JAKMIP1: variants seen among roughly 807,000 people sequenced by gnomAD.
The protein encoded by JAKMIP1 is janus kinase and microtubule-interacting protein 1.
JAKMIP1 carries 33 observed loss-of-function variants against 113.0 expected under a neutral mutation model. That is an observed-to-expected ratio of 0.29 (90% confidence interval 0.22 to 0.39). The LOEUF (loss-of-function observed/expected upper bound fraction) is 0.39, where lower values mean the gene tolerates loss of function less well. JAKMIP1 is among the 10% of genes least tolerant of loss of function. The pLI, the probability that JAKMIP1 is intolerant of heterozygous loss-of-function variation, is 1.00. For synonymous variants in JAKMIP1, 480 were observed against 459.9 expected (o/e 1.04, Z -0.56); for missense variants, 813 against 1,080.5 (o/e 0.75, Z 3.47).
intron 1 of JAKMIP1, among the ~76,000 whole-genome samples, chr4:6,163,393 G>C (rs73075477): frequency 0.022 from 3,294 of 152,174 alleles, 118 homozygotes; most frequent in African/African-American, 0.07. Flanking sequence ...TTGTAACTAG[G>C]GACATCATGA....
rs1188163411 is a variant in JAKMIP1 at position 6,181,286 on chromosome 4, G to A, written c.-148+18967C>T. Among the ~76,000 whole-genome samples, 2 of 152,174 alleles carry A rather than the reference G, an allele frequency of 1.3e-5. No homozygotes were observed. The highest frequency in any genetic ancestry group is 6.5e-5 in the Admixed American group (1 of 15,288). On this transcript the variant is annotated intron_variant, in intron 1 of 20. Transcript: ENST00000409021. The surrounding 1 kb of genome is among the most constrained non-coding windows in gnomAD (Gnocchi z 5.4). Reference sequence around the variant, plus strand: ...TCAAGAAAGCAGTTCCAGAAAGGGTGGAGGGGAGGGTCATGCTGAGAGAGG... The same window carrying A: ...TCAAGAAAGCAGTTCCAGAAAGGGTAGAGGGGAGGGTCATGCTGAGAGAGG...
intron 1 of JAKMIP1, among the ~76,000 whole-genome samples, chr4:6,146,030 T>C (rs1720806722): frequency 2.0e-5 from 3 of 152,178 alleles, no homozygotes; most frequent in Admixed American, 6.5e-5. Flanking sequence ...CAAGTGTCTC[T>C]CAATAGATGA....
At position 6,080,142 on chromosome 4, in the gene JAKMIP1, G is replaced by T; in HGVS notation, c.1242+30C>A. On this transcript the variant is annotated intron_variant, in intron 7 of 20. Coordinates refer to ENST00000409021, the MANE Select transcript of JAKMIP1 (RefSeq NM_001099433.2). This position sits in a 1 kb window ranked among gnomAD's most constrained non-coding sequence, Gnocchi z 6.0. ...TGTCAGCTGGTGCCACCCCTGCCAG[G>T]GGCAGCCGCGCCAGCTGTGCTAGAT... 1 of 1,557,162 alleles carries T rather than the reference G, an allele frequency of 6.4e-7. No individual in the cohort carries two copies.
At position 6,060,572 on chromosome 4, in the gene JAKMIP1, G is replaced by A. The variant is rs138673882; in HGVS notation, c.1561-65C>T. On this transcript the variant is annotated intron_variant, in intron 10 of 20. Coordinates refer to ENST00000409021, the MANE Select transcript of JAKMIP1 (RefSeq NM_001099433.2). ...AATGGGTGACAGGGAAGCGGAAAGC[G>A]TCATGCCCCAATGCAAGCAATGCCT... is the stretch of plus-strand genomic sequence containing the variant. The A allele has an allele frequency of 1.6e-3, 1,978 of 1,226,764 alleles. 4 individuals carry two copies. The highest frequency in any genetic ancestry group is 4.5e-3 in the Middle Eastern group (24 of 5,330). 76.0% of individuals were successfully genotyped at this position (1,226,764 alleles called of 1,614,324 possible). A position where few individuals can be genotyped will look rare whatever the true frequency, so the allele number is the denominator to read the frequency against.
Position 6,080,034 on chromosome 4 carries a change from G to A in JAKMIP1, c.1242+138C>T. The A allele has an allele frequency of 1.1e-6, 1 of 940,416 alleles. No individual in the cohort carries two copies. Among genetic ancestry groups the A allele is most frequent in the Admixed American group, 3.0e-5 (1 of 33,870 alleles). 58.3% of individuals were successfully genotyped at this position (940,416 alleles called of 1,614,324 possible). A position where few individuals can be genotyped will look rare whatever the true frequency, so the allele number is the denominator to read the frequency against. On this transcript the variant is annotated intron_variant, in intron 7 of 20. Transcript: ENST00000409021. The surrounding 1 kb of genome is among the most constrained non-coding windows in gnomAD (Gnocchi z 6.0). ...GAATGTGCACACCAGGGTGAGCTTG[G>A]TGAGTCCCAAAGTCAGCACTGCCTG...
intron 16 of JAKMIP1, among the ~76,000 whole-genome samples, chr4:6,048,589 G>A (rs926785771): frequency 5.3e-5 from 8 of 152,216 alleles, no homozygotes; most frequent in South Asian, 4.1e-4. Flanking sequence ...AACAATGGAC[G>A]CAGGGAAACC....
intron 3 of JAKMIP1, among the ~76,000 whole-genome samples, chr4:6,099,826 AT>A (rs1712702577): frequency 6.6e-6 from 1 of 152,170 alleles, no homozygotes; most frequent in South Asian, 2.1e-4. Context: ...GTAAAATAAT[AT>A]TTTTTGCTTG....
In JAKMIP1 at chr4:6,062,411, G is replaced by T. The variant is rs1044368722; in HGVS notation, c.1461C>A (p.Arg487=). ...GGTACTCCCGGGTCAGCTGGCAGAA[G>T]CGCAGGTCAGCCTCCTCTCGGGCTG... The part of the protein sequence containing the change: ...DATAREEADL[R]FCQLTREYQA... Residue 487 remains arginine (R), a synonymous_variant, in exon 10 of 21, where the codon CGC becomes CGA. Transcript: ENST00000409021. The T allele has an allele frequency of 5.6e-6, 9 of 1,613,698 alleles. No homozygotes were observed. Among genetic ancestry groups the T allele is most frequent in the Admixed American group, 1.7e-5 (1 of 60,012 alleles).
In JAKMIP1 at chr4:6,163,668, G is replaced by A. The variant is rs74784522; in HGVS notation, c.-148+36585C>T. On this transcript the variant is annotated intron_variant, in intron 1 of 20. Coordinates refer to ENST00000409021, the MANE Select transcript of JAKMIP1 (RefSeq NM_001099433.2). ...GGCAGGTGGAAAGCTGAGATAAGGT[G>A]AAAGCTAGGCCTCTTGCACCAGTTA... Among the ~76,000 whole-genome samples the A allele has an allele frequency of 2.8e-4, 42 of 152,378 alleles. No homozygotes were observed. In the East Asian group the frequency reaches 8.1e-3, roughly 29 times the overall value.
chr4:6,126,393 AACAC>A (rs1190130389), intron 1 of JAKMIP1, among the ~76,000 whole-genome samples: 3 of 135,662 alleles, frequency 2.2e-5, no homozygotes, highest in African/African-American at 3.1e-5. Context: ...ATCATACAGA[AACAC>A]ACACACAAAC....
intron 20 of JAKMIP1, 105 bp downstream of exon 20, chr4:6,029,610 AG>A: frequency 1.4e-6 from 1 of 731,740 alleles, no homozygotes. Flanking sequence ...CAGAGAAAGG[AG>A]GGCTGGAGAC....
intron 1 of JAKMIP1, among the ~76,000 whole-genome samples, chr4:6,159,547 C>T (rs4437322): frequency 0.51 from 77,416 of 152,008 alleles, 22,204 homozygotes; most frequent in East Asian, 0.76. Flanking sequence ...AATGGAGAAA[C>T]AATTCTCAAA....
chr4:6,169,968 CACCACCACCACT>C (rs1308018792), intron 1 of JAKMIP1, among the ~76,000 whole-genome samples: 58 of 122,322 alleles, frequency 4.7e-4, no homozygotes, highest in Middle Eastern at 4.9e-3. Flanking sequence ...TCATCACCAC[CACCACCACCACT>C]ACCACCACCA....
rs1420453207 is a variant in JAKMIP1 at position 6,129,541 on chromosome 4, T to C, written c.-147-16544A>G. ...CATGTCTCCTGAAAGCCAGGTGCCA[T>C]GCTGGTACAGGGACCAGGATACCAA... On this transcript the variant is annotated intron_variant, in intron 1 of 20. Coordinates refer to ENST00000409021, the MANE Select transcript of JAKMIP1 (RefSeq NM_001099433.2). The surrounding 1 kb of genome is among the most constrained non-coding windows in gnomAD (Gnocchi z 5.4). 6.6e-6 allele frequency among the ~76,000 whole-genome samples: 1 copy of C among 152,138 alleles called. No individual in the cohort carries two copies. Among genetic ancestry groups the C allele is most frequent in the Non-Finnish European group, 1.5e-5 (1 of 68,034 alleles).
At chr4:6,103,043 A>G (rs115680642) in intron 3 of JAKMIP1, among the ~76,000 whole-genome samples, 2,419 of 152,228 alleles carry the variant, frequency 0.016, 74 homozygotes, top group African/African-American at 0.051. Context: ...ATCCTGGCCA[A>G]TGCAATGTTG....
At chr4:6,098,223 G>A (rs1250331233) in intron 3 of JAKMIP1, among the ~76,000 whole-genome samples, 2 of 152,198 alleles carry the variant, frequency 1.3e-5, no homozygotes, top group African/African-American at 4.8e-5. Context: ...CTGAGGTCAG[G>A]AGTTCGAGAC....
intron 1 of JAKMIP1, among the ~76,000 whole-genome samples, chr4:6,171,852 G>T (rs923463932): frequency 6.6e-6 from 1 of 152,206 alleles, no homozygotes; most frequent in African/African-American, 2.4e-5. Flanking sequence ...TCACAACCCA[G>T]TTTATGCCTC....
intron 9 of JAKMIP1, 130 bp from the exon 10 acceptor site, chr4:6,062,570 A>T (rs1364918153): frequency 1.0e-6 from 1 of 976,964 alleles, no homozygotes; most frequent in African/African-American, 1.6e-5. Context: ...CAACTTAGAC[A>T]TCAAACGACC....
At position 6,178,205 on chromosome 4, in the gene JAKMIP1, T is replaced by TG. The variant is rs1725597328; in HGVS notation, c.-148+22047dup. 6.6e-6 allele frequency among the ~76,000 whole-genome samples: 1 copy of TG among 152,216 alleles called. No homozygotes were observed. The highest frequency in any genetic ancestry group is 6.5e-5 in the Admixed American group (1 of 15,284). On this transcript the variant is annotated intron_variant, in intron 1 of 20. Coordinates refer to ENST00000409021, the MANE Select transcript of JAKMIP1 (RefSeq NM_001099433.2). This position sits in a 1 kb window ranked among gnomAD's most constrained non-coding sequence, Gnocchi z 5.5. ...TGGGTATAAAAAAATGACCCTTTAA[T>TG]GTTTTGTATCTCATTTTTGAATTGA...
Sources: gnomAD v4.1 joint callset for allele counts (sites outside exome capture counted in the v4.1 genomes callset) on GRCh38, gnomAD v4.1.1 for gene constraint, Gnocchi (gnomAD v3.1) non-coding constraint, MANE v1.5 for transcripts, NCBI Gene and HGNC (gene_info 2026-07-23, HGNC 2026-07-21) for gene names.